The following PWWP3A variants were observed in gnomAD, a reference collection of about 807,000 sequenced individuals.
PWWP3A encodes the protein PWWP domain-containing DNA repair factor 3A.
PWWP3A carries 53 observed loss-of-function variants against 79.0 expected under a neutral mutation model. That is an observed-to-expected ratio of 0.67 (90% CI 0.54 to 0.84). PWWP3A has a LOEUF of 0.84. Among genes scored for constraint, PWWP3A ranks in the 40% least tolerant of loss-of-function variants. The pLI, the probability that PWWP3A is intolerant of heterozygous loss-of-function variation, is 0.00. For synonymous variants in PWWP3A, 443 were observed against 394.4 expected (o/e 1.12, Z -1.46); for missense variants, 973 against 948.0 (o/e 1.03, Z -0.35).
At chr19:1,376,295 G>GTTTTTGTTTTTT (rs1568968591) in intron 13 of PWWP3A, among the ~76,000 whole-genome samples, 11 of 67,046 alleles carry the variant, frequency 1.6e-4, no homozygotes, top group South Asian at 6.4e-4. Context: ...CCGGCTGTTT[G>GTTTTTGTTTTTT]TTTTTTTTTT....
At chr19:1,363,186 C>T (rs4807094) in intron 6 of PWWP3A, among the ~76,000 whole-genome samples, 58,406 of 152,208 alleles carry the variant, frequency 0.38, 12,467 homozygotes, top group Middle Eastern at 0.55. Flanking sequence ...CGCACACTTG[C>T]GTGCCGGTGG....
chr19:1,369,412 TG>T lies in PWWP3A; in HGVS notation c.1498+75del. 2 of 1,568,198 alleles carry T rather than the reference TG, an allele frequency of 1.3e-6. No individual in the cohort carries two copies. The highest frequency in any genetic ancestry group is 1.8e-6 in the Non-Finnish European group (2 of 1,140,640). On this transcript the variant is annotated intron_variant, in intron 10 of 13. Coordinates refer to ENST00000591337, the MANE Select transcript of PWWP3A (RefSeq NM_001369789.1). The surrounding 1 kb of genome is among the most constrained non-coding windows in gnomAD (Gnocchi z 4.0). ...GCCTCTGAAGACCCCTTGGACGGGC[TG>T]GGCCGGAGCTGCCTGGAGGCGGGGC...
rs962073431 is a variant in PWWP3A at position 1,368,373 on chromosome 19, C to T, written c.1423-892C>T. ...TGCCCGCTTCTTCTTCCTAAGAGTG[C>T]GCTCACATCTGCTTGTGAGTCAGGT... On this transcript the variant is annotated intron_variant, in intron 9 of 13. Coordinates refer to ENST00000591337, the MANE Select transcript of PWWP3A (RefSeq NM_001369789.1). This position sits in a 1 kb window ranked among gnomAD's most constrained non-coding sequence, Gnocchi z 4.7. 1.3e-5 allele frequency among the ~76,000 whole-genome samples: 2 copies of T among 152,238 alleles called. No individual in the cohort carries two copies. Among genetic ancestry groups the T allele is most frequent in the Non-Finnish European group, 2.9e-5 (2 of 68,022 alleles).
chr19:1,364,640 C>T (rs997613874), intron 7 of PWWP3A, 61 bp downstream of exon 7: 14 of 1,218,902 alleles, frequency 1.1e-5, no homozygotes, highest in South Asian at 2.6e-5. Flanking sequence ...AATTTTTATT[C>T]CATCCATCTT....
In PWWP3A at chr19:1,361,260, G is replaced by A. The variant is rs561814465; in HGVS notation, c.1111+228G>A. Among the ~76,000 whole-genome samples, 24 of 152,346 alleles carry A rather than the reference G, an allele frequency of 1.6e-4. No homozygotes were observed. The East Asian group carries it at 4.2e-3, about 27-fold the overall frequency. On this transcript the variant is annotated intron_variant, in intron 5 of 13. Transcript: ENST00000591337. ...TTCTTATTTTTGTTTAGAAGGGAAG[G>A]GAGTTGAGTGAGTGGGGAGCCCGTA...
In PWWP3A at chr19:1,360,882, G is replaced by T. The variant is rs1244564528; in HGVS notation, c.961G>T (p.Ala321Ser). 1 of 1,545,126 alleles carries T rather than the reference G, an allele frequency of 6.5e-7. No homozygotes were observed. Among genetic ancestry groups the T allele is most frequent in the Non-Finnish European group, 8.7e-7 (1 of 1,145,122 alleles). ...PPAVQLEPMA[A>S]GAAPSPGPGP... ...TGCCGTGCAGCTGGAGCCCATGGCA[G>T]CAGGGGCCGCACCATCCCCCGGGCC... Residue 321 changes from alanine (A) to serine (S), a missense_variant, in exon 5 of 14, where the codon GCA (alanine) becomes TCA (serine). Physicochemically the swap from Ala to Ser is moderately conservative, Grantham distance 99. Transcript: ENST00000591337. The surrounding 1 kb of genome is among the most constrained non-coding windows in gnomAD (Gnocchi z 4.4).
At chr19:1,362,190 TG>T in intron 5 of PWWP3A, 59 bp from the exon 6 acceptor site, 1 of 1,431,216 alleles carries the variant, frequency 7.0e-7, no homozygotes. Context: ...AATGTTTTCT[TG>T]GGATGAGTCA....
chr19:1,374,815 G>T (rs894800225), intron 13 of PWWP3A, among the ~76,000 whole-genome samples: 1 of 152,144 alleles, frequency 6.6e-6, no homozygotes, highest in African/African-American at 2.4e-5. Context: ...GCTAAGGTGG[G>T]AGGATCCTCT....
At position 1,376,905 on chromosome 19, in the gene PWWP3A, T is replaced by C. The variant is rs2082414930; in HGVS notation, c.*329T>C. On this transcript the variant is annotated 3_prime_UTR_variant, in exon 14 of 14. Transcript: ENST00000591337. ...GCTGTGGTTTCTCCCGACGTGCACA[T>C]CGATCTCGTATGTGTGGCATCTGAT... is the stretch of plus-strand genomic sequence containing the variant. The C allele has an allele frequency of 4.4e-6, 1 of 228,692 alleles. No homozygotes were observed. The highest frequency in any genetic ancestry group is 8.5e-6 in the Non-Finnish European group (1 of 118,018). 14.2% of individuals were successfully genotyped at this position (228,692 alleles called of 1,614,324 possible). A position where few individuals can be genotyped will look rare whatever the true frequency, so the allele number is the denominator to read the frequency against.
intron 1 of PWWP3A, 120 bp from the exon 2 acceptor site, chr19:1,356,204 T>A: frequency 1.6e-6 from 1 of 623,386 alleles, no homozygotes; most frequent in Non-Finnish European, 2.9e-6. Context: ...CAATGCAAGA[T>A]TGTGGAATTA....
chr19:1,363,532 G>A (rs1054285914), intron 6 of PWWP3A, among the ~76,000 whole-genome samples: 3 of 152,186 alleles, frequency 2.0e-5, no homozygotes, highest in Non-Finnish European at 2.9e-5. Flanking sequence ...TTCCGACCAC[G>A]CTGCCCCACT....
chr19:1,371,360 C>T (rs537177471), intron 12 of PWWP3A: 23 of 703,574 alleles, frequency 3.3e-5, no homozygotes, highest in Admixed American at 2.2e-4. Context: ...CTCCCTACTG[C>T]GGGCGCACAG....
chr19:1,369,608 T>C lies in PWWP3A; in HGVS notation c.1511T>C (p.Phe504Ser). ...CCACCCCCTGCAGGCTGCGGGTCTT[T>C]TGCTGGCTCTTTCCTGGAATATTAC... is the stretch of plus-strand genomic sequence containing the variant. The part of the protein sequence containing the change: ...DYRVRLGCGS[F>S]AGSFLEYYAA... The change falls in exon 11 of 14, where the codon TTT becomes TCT. Residue 504 changes from phenylalanine to serine, a missense_variant. Phe to Ser is a radical substitution (Grantham distance 155). Transcript: ENST00000591337. This position sits in a 1 kb window ranked among gnomAD's most constrained non-coding sequence, Gnocchi z 4.0. 1 of 1,614,220 alleles carries C rather than the reference T, an allele frequency of 6.2e-7. No homozygotes were observed. Among genetic ancestry groups the C allele is most frequent in the Non-Finnish European group, 8.5e-7 (1 of 1,180,034 alleles).
In PWWP3A at chr19:1,360,693, G is replaced by C; in HGVS notation, c.772G>C (p.Gly258Arg). 5 of 1,613,364 alleles carry C rather than the reference G, an allele frequency of 3.1e-6. No individual in the cohort carries two copies. The highest frequency in any genetic ancestry group is 4.2e-6 in the Non-Finnish European group (5 of 1,179,708). The change falls in exon 5 of 14, where the codon GGG becomes CGG. Residue 258 changes from glycine to arginine, a missense_variant. Gly to Arg is a moderately radical substitution (Grantham distance 125, BLOSUM62 -2). Coordinates refer to ENST00000591337, the MANE Select transcript of PWWP3A (RefSeq NM_001369789.1). The surrounding 1 kb of genome is among the most constrained non-coding windows in gnomAD (Gnocchi z 4.4). ...GSWAAPSLPS[G>R]VREDDPCANA... ...CTGGGCAGCCCCGTCCTTGCCCTCC[G>C]GGGTCAGGGAGGACGATCCCTGTGC...
Position 1,356,392 on chromosome 19 carries a change from G to A in PWWP3A, c.-1G>A, listed in dbSNP as rs370690944. 8.7e-6 allele frequency: 14 copies of A among 1,614,090 alleles called. No individual in the cohort carries two copies. Among genetic ancestry groups the A allele is most frequent in the African/African-American group, 1.3e-5 (1 of 74,948 alleles). ...TGCCACTTGCCACATGAGTGTAAAT[G>A]ATGGCGGATGCCAAGTATGTCCTCT... On this transcript the variant is annotated 5_prime_UTR_variant, in exon 2 of 14. An upstream start codon of the reference 5' UTR is lost. Transcript: ENST00000591337.
chr19:1,364,652 A>G, intron 7 of PWWP3A, 73 bp downstream of exon 7: 1 of 1,147,454 alleles, frequency 8.7e-7, no homozygotes. Flanking sequence ...ATCCATCTTT[A>G]GTTCTTGATA....
chr19:1,362,395 C>G, intron 6 of PWWP3A, 44 bp downstream of exon 6: 1 of 1,524,344 alleles, frequency 6.6e-7, no homozygotes, highest in Non-Finnish European at 9.0e-7. Flanking sequence ...ACGGTGCGCT[C>G]AGAGGCAGCG....
rs1158024738 is a variant in PWWP3A at position 1,376,807 on chromosome 19, T to TA, written c.*232dup. The TA allele has an allele frequency of 4.3e-6, 2 of 469,394 alleles. No individual in the cohort carries two copies. Among genetic ancestry groups the TA allele is most frequent in the African/African-American group, 4.0e-5 (2 of 50,122 alleles). The allele number at this position is 469,394 out of a possible 1,614,324, so 29.1% of individuals were successfully genotyped here. ...TTTTCATTTTATTTTTGGCATTTTT[T>TA]ACAAGATACCGTTCGGGAAAGGCTT... On this transcript the variant is annotated 3_prime_UTR_variant, in exon 14 of 14. Coordinates refer to ENST00000591337, the MANE Select transcript of PWWP3A (RefSeq NM_001369789.1).
At position 1,368,909 on chromosome 19, in the gene PWWP3A, GCGTT is replaced by G. The variant is rs1331367305; in HGVS notation, c.1423-354_1423-351del. ...GCCATCGGGTCCCCGGTGCCCACCTGCGTTCAGACCAGCCCAAGCCATCGGGTCC... is the reference window on the plus strand; with the variant it reads ...GCCATCGGGTCCCCGGTGCCCACCTGCAGACCAGCCCAAGCCATCGGGTCC... On this transcript the variant is annotated intron_variant, in intron 9 of 13. Coordinates refer to ENST00000591337, the MANE Select transcript of PWWP3A (RefSeq NM_001369789.1). The surrounding 1 kb of genome is among the most constrained non-coding windows in gnomAD (Gnocchi z 4.7). 2.1e-5 allele frequency among the ~76,000 whole-genome samples: 3 copies of G among 143,186 alleles called. No individual in the cohort carries two copies. Among genetic ancestry groups the G allele is most frequent in the Admixed American group, 7.0e-5 (1 of 14,352 alleles). 93.9% of individuals were successfully genotyped at this position (143,186 alleles called of 152,430 possible). A position where few individuals can be genotyped will look rare whatever the true frequency, so the allele number is the denominator to read the frequency against.
Sources: allele counts gnomAD v4.1 joint callset (sites outside exome capture counted in the v4.1 genomes callset), GRCh38; gene constraint gnomAD v4.1.1; non-coding constraint Gnocchi (gnomAD v3.1); transcripts MANE v1.5; gene names NCBI Gene and HGNC (gene_info 2026-07-23, HGNC 2026-07-21).